Variants in GTPBP6 observed in about 807,000 individuals in gnomAD.
The protein encoded by GTPBP6 is putative GTP-binding protein 6.
GTPBP6 carries 33 observed loss-of-function variants against 28.9 expected under a neutral mutation model. The ratio of observed to expected loss-of-function variants is 1.14; its 90% CI spans 0.87 to 1.53. The LOEUF is 1.53. Among genes scored for constraint, GTPBP6 ranks in the 40% most tolerant of loss-of-function variants. The pLI, the probability that GTPBP6 is intolerant of heterozygous loss-of-function variation, is 0.00. For missense variants in GTPBP6, 507 were observed against 408.3 expected (o/e 1.24, Z -2.08); for synonymous variants, 231 against 192.7 (o/e 1.20, Z -1.65).
At chrX:305,466 T>C (rs368138750) in intron 9 of GTPBP6, among the ~76,000 whole-genome samples, 2,382 of 150,890 alleles carry the variant, frequency 0.016, 48 homozygotes, top group African/African-American at 0.055. Context: ...GGACTACAGG[T>C]GCATGCCACC....
At chrX:311,069 T>G (rs28493101) in intron 7 of GTPBP6, among the ~76,000 whole-genome samples, 2 of 151,462 alleles carry the variant, frequency 1.3e-5, no homozygotes, top group African/African-American at 4.9e-5. Context: ...GGCAAGAACA[T>G]GGCCCTGAGT....
In GTPBP6 at chrX:312,753, G is replaced by GGC; in HGVS notation, c.916+11_916+12dup. The GGC allele has an allele frequency of 6.3e-7, 1 of 1,594,880 alleles. No individual in the cohort carries two copies. Among genetic ancestry groups the GGC allele is most frequent in the Non-Finnish European group, 8.5e-7 (1 of 1,172,556 alleles). Reference sequence around the variant, plus strand: ...GAGACCGCGGAAGGCCCCTCCCCTGGGCGCGTGCTCACCGCAGTTGGTGTA... The same window carrying GGC: ...GAGACCGCGGAAGGCCCCTCCCCTGGGCGCGCGTGCTCACCGCAGTTGGTGTA... On this transcript the variant is annotated intron_variant, in intron 6 of 9. Coordinates refer to ENST00000326153, the Ensembl canonical transcript of GTPBP6.
At chrX:315,553 G>GACACAC (rs1215331200) in intron 2 of GTPBP6, among the ~76,000 whole-genome samples, 3,482 of 110,348 alleles carry the variant, frequency 0.032, 167 homozygotes, top group South Asian at 0.068. Context: ...TACACACGCA[G>GACACAC]ACACACACAC....
chrX:312,511 T>TG, intron 6 of GTPBP6: 1 of 681,936 alleles, frequency 1.5e-6, no homozygotes, highest in Middle Eastern at 2.4e-4. Context: ...GATGGGAGGA[T>TG]GGGGTAGATG....
chrX:312,839 C>T (rs1327098378), exon 6 of GTPBP6: 6 of 1,612,922 alleles, frequency 3.7e-6, no homozygotes, highest in Non-Finnish European at 5.1e-6. Context: ...GCAGGTGCCT[C>T]TTCTTGCGAA....
At position 309,942 on chromosome X, in the gene GTPBP6, G is replaced by A. The variant is rs377330071; in HGVS notation, c.1125+1477C>T. On this transcript the variant is annotated intron_variant, in intron 7 of 9. Transcript: ENST00000326153. ...TACTGTCCTTCTAAGAGACAGAAGA[G>A]GAGACACAGACACAGAGAAGAAGGC... is the stretch of plus-strand genomic sequence containing the variant. Among the ~76,000 whole-genome samples, 130 of 144,526 alleles carry A rather than the reference G, an allele frequency of 9.0e-4. 2 individuals are homozygous for A. The highest frequency in any genetic ancestry group is 1.5e-3 in the Non-Finnish European group (98 of 67,170). The allele number at this position is 144,526 out of a possible 152,430, so 94.8% of individuals were successfully genotyped here.
exon 4 of GTPBP6, chrX:314,993 C>G (rs1248565832): frequency 7.5e-6 from 3 of 398,570 alleles, no homozygotes; most frequent in Non-Finnish European, 1.3e-5. Flanking sequence ...TCAAACACCT[C>G]CACGCCCCAG....
chrX:305,263 A>G, intron 9 of GTPBP6, 66 bp from the exon 10 acceptor site: 1 of 1,206,492 alleles, frequency 8.3e-7, no homozygotes. Flanking sequence ...GTTTCATGAT[A>G]AATAATTACG....
intron 9 of GTPBP6, among the ~76,000 whole-genome samples, chrX:305,769 T>C (rs1471122812): frequency 4.7e-5 from 7 of 149,100 alleles, no homozygotes; most frequent in African/African-American, 1.5e-4. Flanking sequence ...GGACTACAGG[T>C]GCCCGCCACT....
chrX:306,751 T>C (rs112148659), intron 9 of GTPBP6, among the ~76,000 whole-genome samples: 12,979 of 146,998 alleles, frequency 0.088, 693 homozygotes, highest in African/African-American at 0.3. Flanking sequence ...CAAGCACAGA[T>C]TAGGCACCTG....
At chrX:317,631 C>G (rs1435536511) in intron 1 of GTPBP6, among the ~76,000 whole-genome samples, 2 of 151,612 alleles carry the variant, frequency 1.3e-5, no homozygotes, top group Non-Finnish European at 2.9e-5. Flanking sequence ...ACACACCGTG[C>G]CTACCTCTAA....
At chrX:311,652 G>C in intron 6 of GTPBP6, 25 bp from the exon 7 acceptor site, 1 of 1,564,396 alleles carries the variant, frequency 6.4e-7, no homozygotes, top group Non-Finnish European at 8.8e-7. Flanking sequence ...AGGTCAGGGC[G>C]CTGCAGAGAT....
intron 6 of GTPBP6, chrX:312,017 G>A: frequency 4.0e-6 from 2 of 497,882 alleles, no homozygotes. Context: ...GGTGTAGATG[G>A]GTGGATATAG....
At chrX:314,754 G>T (rs1338419878) in intron 4 of GTPBP6, 136 bp downstream of exon 4, 2 of 393,472 alleles carry the variant, frequency 5.1e-6, no homozygotes, top group East Asian at 7.2e-5. Context: ...GGGATGACAG[G>T]CGTGAGCCAC....
rs183773351 is a variant in GTPBP6 at position 305,125 on chromosome X, G to A, written c.1500C>T (p.Val500=). The A allele has an allele frequency of 2.1e-4, 339 of 1,613,412 alleles. 2 individuals carry two copies. The African/African-American group carries it at 3.9e-3, about 19-fold the overall frequency. ...TGCCGTAGGCTGAGTTGCTGATGAT[G>A]ACCCTCACGTCGGCCGCCCCGTCCT... The change falls in exon 10 of 10, where the codon GTC becomes GTT. Residue 500 remains valine, a synonymous_variant. Transcript: ENST00000326153.
At chrX:314,362 C>G (rs1442011348) in intron 4 of GTPBP6, 145 bp from the exon 5 acceptor site, 1 of 733,548 alleles carries the variant, frequency 1.4e-6, no homozygotes, top group African/African-American at 1.7e-5. Context: ...GCGTGTAGCT[C>G]ACACACTGTG....
In GTPBP6 at chrX:313,361, C is replaced by T. The variant is rs143419840; in HGVS notation, c.758-437G>A. ...TAGGTTAGGGTGGGCCCTAAGGCAACGACCTGTGTCCTTCTAAGAAGCAGA... is the reference window on the plus strand; with the variant it reads ...TAGGTTAGGGTGGGCCCTAAGGCAATGACCTGTGTCCTTCTAAGAAGCAGA... On this transcript the variant is annotated intron_variant, in intron 5 of 9. Transcript: ENST00000326153. Among the ~76,000 whole-genome samples, 654 of 152,194 alleles carry T rather than the reference C, an allele frequency of 4.3e-3. 2 individuals carry two copies. The highest frequency in any genetic ancestry group is 0.014 in the African/African-American group (583 of 41,558).
exon 10 of GTPBP6, chrX:305,037 C>G: frequency 6.2e-7 from 1 of 1,606,838 alleles, no homozygotes; most frequent in Non-Finnish European, 8.5e-7. Context: ...CCCCAGGCAG[C>G]GATGCCCCCA....
At chrX:314,568 G>C (rs1434133652) in intron 4 of GTPBP6, among the ~76,000 whole-genome samples, 1 of 151,944 alleles carries the variant, frequency 6.6e-6, no homozygotes, top group South Asian at 2.1e-4. Context: ...CACCTCTGGG[G>C]TTCACGCCAT....
Sources: allele counts gnomAD v4.1 joint callset (sites outside exome capture counted in the v4.1 genomes callset), GRCh38; gene constraint gnomAD v4.1.1; transcripts MANE v1.5; gene names NCBI Gene and HGNC (gene_info 2026-07-23, HGNC 2026-07-21).